ADAMTS6: variants seen among roughly 807,000 people sequenced by gnomAD.
ADAMTS6 encodes ADAM metallopeptidase with thrombospondin type 1 motif 6, also known as A disintegrin and metalloproteinase with thrombospondin motifs 6.
ADAMTS6 carries 23 observed loss-of-function variants against 144.3 expected under a neutral mutation model. The ratio of observed to expected loss-of-function variants is 0.16; its 90% CI spans 0.11 to 0.23. ADAMTS6 has a LOEUF of 0.23. ADAMTS6 is among the 10% of genes least tolerant of loss of function. The pLI, the probability that ADAMTS6 is intolerant of heterozygous loss-of-function variation, is 1.00. For synonymous variants in ADAMTS6, 444 were observed against 457.5 expected (o/e 0.97, Z 0.38); for missense variants, 999 against 1,379.6 (o/e 0.72, Z 4.37).
At chr5:65,288,710 T>C (rs1276070942) in intron 11 of ADAMTS6, among the ~76,000 whole-genome samples, 3 of 152,116 alleles carry the variant, frequency 2.0e-5, no homozygotes, top group Non-Finnish European at 4.4e-5. Context: ...ACCAGATGTA[T>C]CTCCTCTCAA....
intron 24 of ADAMTS6, among the ~76,000 whole-genome samples, chr5:65,161,552 T>C (rs1394977024): frequency 1.3e-5 from 2 of 152,230 alleles, no homozygotes; most frequent in Non-Finnish European, 1.5e-5. Context: ...TGAGCACTTG[T>C]GCAAACTGCT....
intron 7 of ADAMTS6, among the ~76,000 whole-genome samples, chr5:65,419,209 A>G (rs1186063961): frequency 6.6e-6 from 1 of 152,170 alleles, no homozygotes; most frequent in Non-Finnish European, 1.5e-5. Context: ...GGGATACTAC[A>G]TGGCCATAAC....
chr5:65,318,460 C>T (rs961322273), intron 9 of ADAMTS6, among the ~76,000 whole-genome samples: 1 of 152,048 alleles, frequency 6.6e-6, no homozygotes, highest in Non-Finnish European at 1.5e-5. Context: ...TCCACAGTAG[C>T]CAGTTTGGAA....
At chr5:65,453,149 A>G (rs1481420617) in intron 4 of ADAMTS6, among the ~76,000 whole-genome samples, 1 of 152,046 alleles carries the variant, frequency 6.6e-6, no homozygotes, top group Non-Finnish European at 1.5e-5. Context: ...AAATCTAAGA[A>G]ATGAATTAAT....
chr5:65,471,648 C>T (rs1191435381), intron 2 of ADAMTS6, among the ~76,000 whole-genome samples: 2 of 152,064 alleles, frequency 1.3e-5, no homozygotes, highest in Non-Finnish European at 2.9e-5. Context: ...GTCTCAGCTA[C>T]TCTGGATGCT....
intron 15 of ADAMTS6, among the ~76,000 whole-genome samples, chr5:65,241,428 G>T (rs1403538937): frequency 6.6e-6 from 1 of 151,740 alleles, no homozygotes; most frequent in East Asian, 1.9e-4. Context: ...ACGGTGTTTT[G>T]CCATGCTGGC....
intron 14 of ADAMTS6, among the ~76,000 whole-genome samples, chr5:65,258,800 G>A (rs549109487): frequency 2.6e-5 from 4 of 152,298 alleles, no homozygotes; most frequent in African/African-American, 9.6e-5. Flanking sequence ...CTGGAAGAAC[G>A]AGTAGAGAAA....
In ADAMTS6 at chr5:65,170,714, G is replaced by C. The variant is rs75671590; in HGVS notation, c.3147C>G (p.Thr1049=). The C allele has an allele frequency of 1.2e-6, 2 of 1,614,116 alleles. No homozygotes were observed. The highest frequency in any genetic ancestry group is 1.7e-5 in the Admixed American group (1 of 60,022). ...CTAGACAGTCACTAGATGCCTGTCC[G>C]GTGTAGGAGAGACACTGCACAGTTC... The part of the protein sequence containing the change: ...QMRTVQCLSY[T]GQASSDCLET... Residue 1049 remains threonine (T), a synonymous_variant, in exon 24 of 25, where the codon ACC becomes ACG. Coordinates refer to ENST00000381055, the MANE Select transcript of ADAMTS6 (RefSeq NM_197941.4).
intron 3 of ADAMTS6, 96 bp downstream of exon 3, chr5:65,470,678 CTATA>C: frequency 1.1e-6 from 1 of 941,922 alleles, no homozygotes; most frequent in Non-Finnish European, 1.4e-6. Flanking sequence ...CTTAAACTAC[CTATA>C]TATATATATA....
intron 16 of ADAMTS6, 108 bp from the exon 17 acceptor site, chr5:65,225,155 G>T: frequency 8.0e-7 from 1 of 1,257,120 alleles, no homozygotes; most frequent in East Asian, 2.6e-5. Context: ...GTAAAGAAAA[G>T]AAAAATAAGG....
chr5:65,404,927 G>C (rs1754307226), intron 7 of ADAMTS6, among the ~76,000 whole-genome samples: 1 of 152,140 alleles, frequency 6.6e-6, no homozygotes, highest in Admixed American at 6.5e-5. Flanking sequence ...GTGTCTGTTG[G>C]CTGCATAAAT....
Position 65,268,562 on chromosome 5 carries a change from A to G in ADAMTS6, c.1620+4778T>C, listed in dbSNP as rs905373060. Among the ~76,000 whole-genome samples the G allele has an allele frequency of 2.0e-5, 3 of 152,190 alleles. No homozygotes were observed. The East Asian group carries it at 5.8e-4, about 29-fold the overall frequency. On this transcript the variant is annotated intron_variant, in intron 12 of 24. Coordinates refer to ENST00000381055, the MANE Select transcript of ADAMTS6 (RefSeq NM_197941.4). ...CAGTACCAGCGCACCGTCTGGGCTC[A>G]TCAAATTTCCTCCTTTGGTTAATGC...
At chr5:65,187,773 A>C (rs747034492) in intron 22 of ADAMTS6, among the ~76,000 whole-genome samples, 1 of 152,168 alleles carries the variant, frequency 6.6e-6, no homozygotes, top group East Asian at 1.9e-4. Context: ...CTATAATGTT[A>C]TTTCAAATTT....
chr5:65,228,210 C>T (rs1757867659), intron 15 of ADAMTS6, among the ~76,000 whole-genome samples: 1 of 151,360 alleles, frequency 6.6e-6, no homozygotes, highest in African/African-American at 2.4e-5. Flanking sequence ...TATCATAATG[C>T]TTTGGAATTT....
chr5:65,476,247 G>C (rs1760832704), intron 1 of ADAMTS6, among the ~76,000 whole-genome samples: 1 of 151,948 alleles, frequency 6.6e-6, no homozygotes, highest in African/African-American at 2.4e-5. Context: ...TTTTTCCCCA[G>C]TCAAGCCTTC....
At chr5:65,419,727 G>A (rs1034070557) in intron 7 of ADAMTS6, among the ~76,000 whole-genome samples, 2 of 152,064 alleles carry the variant, frequency 1.3e-5, no homozygotes, top group African/African-American at 4.8e-5. Flanking sequence ...ACAAGAAAGA[G>A]GTCAAACACA....
At chr5:65,319,330 T>C (rs1745308895) in intron 9 of ADAMTS6, among the ~76,000 whole-genome samples, 1 of 151,562 alleles carries the variant, frequency 6.6e-6, no homozygotes. Flanking sequence ...AAGGACAAAT[T>C]AAACCCAAAG....
At chr5:65,207,234 C>T (rs983052824) in intron 20 of ADAMTS6, among the ~76,000 whole-genome samples, 1 of 151,888 alleles carries the variant, frequency 6.6e-6, no homozygotes, top group Non-Finnish European at 1.5e-5. Flanking sequence ...AACTTTGGTA[C>T]ACAATTTTGC....
At chr5:65,438,605 A>G (rs921556802) in intron 7 of ADAMTS6, among the ~76,000 whole-genome samples, 3 of 152,178 alleles carry the variant, frequency 2.0e-5, no homozygotes, top group Non-Finnish European at 4.4e-5. Flanking sequence ...AGTGTCAGAA[A>G]ACTATAGTTG....
Sources: gnomAD v4.1 joint callset for allele counts (sites outside exome capture counted in the v4.1 genomes callset) on GRCh38, gnomAD v4.1.1 for gene constraint, MANE v1.5 for transcripts, NCBI Gene and HGNC (gene_info 2026-07-23, HGNC 2026-07-21) for gene names.